The following ST8SIA4 variants were observed in gnomAD, a reference collection of about 807,000 sequenced individuals.
The protein encoded by ST8SIA4 is CMP-N-acetylneuraminate-poly-alpha-2,8-sialyltransferase.
ST8SIA4 carries 15 observed loss-of-function variants against 33.9 expected under a neutral mutation model. The ratio of observed to expected loss-of-function variants is 0.44; its 90% CI spans 0.30 to 0.68. The LOEUF (loss-of-function observed/expected upper bound fraction) is 0.68, where lower values mean the gene tolerates loss of function less well. ST8SIA4 is among the 30% of genes least tolerant of loss of function. The pLI, the probability that ST8SIA4 is intolerant of heterozygous loss-of-function variation, is 0.10. For synonymous variants in ST8SIA4, 171 were observed against 151.2 expected (o/e 1.13, Z -0.96); for missense variants, 321 against 428.0 (o/e 0.75, Z 2.21).
chr5:100,882,285 A>G (rs1473608266), intron 3 of ST8SIA4, among the ~76,000 whole-genome samples: 1 of 152,218 alleles, frequency 6.6e-6, no homozygotes, highest in Non-Finnish European at 1.5e-5. Flanking sequence ...TAGCAAAAAG[A>G]CTAGTGGCAT....
chr5:100,896,286 T>A (rs1303765651), intron 1 of ST8SIA4, among the ~76,000 whole-genome samples: 4 of 152,072 alleles, frequency 2.6e-5, no homozygotes, highest in Non-Finnish European at 5.9e-5. Context: ...AGCAAAATCC[T>A]GCCATTTGTG....
In ST8SIA4 at chr5:100,853,173, A is replaced by G. The variant is rs193142201; in HGVS notation, c.797+2930T>C. Among the ~76,000 whole-genome samples, 434 of 152,296 alleles carry G rather than the reference A, an allele frequency of 2.8e-3. 2 individuals are homozygous for G. Among genetic ancestry groups the G allele is most frequent in the African/African-American group, 0.01 (419 of 41,556 alleles). On this transcript the variant is annotated intron_variant, in intron 4 of 4. Coordinates refer to ENST00000231461, the MANE Select transcript of ST8SIA4 (RefSeq NM_005668.6). ...GAGTTTGCCTTTGCTTTCATATCAC[A>G]AAAATCATTTTTGTTTCATCAGCGC...
At chr5:100,853,393 T>C (rs1299023370) in intron 4 of ST8SIA4, among the ~76,000 whole-genome samples, 1 of 152,228 alleles carries the variant, frequency 6.6e-6, no homozygotes, top group Non-Finnish European at 1.5e-5. Flanking sequence ...TTCATTATTC[T>C]TGGCCACAGT....
intron 3 of ST8SIA4, among the ~76,000 whole-genome samples, chr5:100,860,310 T>G (rs1474514157): frequency 6.6e-6 from 1 of 152,164 alleles, no homozygotes; most frequent in Admixed American, 6.6e-5. Context: ...AGCCAAAACA[T>G]TATTACCTAC....
At chr5:100,821,828 T>C (rs1454366256) in intron 4 of ST8SIA4, among the ~76,000 whole-genome samples, 1 of 152,156 alleles carries the variant, frequency 6.6e-6, no homozygotes, top group Non-Finnish European at 1.5e-5. Flanking sequence ...TATAAATCTT[T>C]ATTCTCTATT....
intron 4 of ST8SIA4, among the ~76,000 whole-genome samples, chr5:100,854,559 G>C (rs947009383): frequency 3.3e-5 from 5 of 151,918 alleles, no homozygotes; most frequent in Non-Finnish European, 7.4e-5. Flanking sequence ...CTCCGGCCTG[G>C]GCAACAGAGT....
chr5:100,879,136 A>C (rs780785092), intron 3 of ST8SIA4, among the ~76,000 whole-genome samples: 1 of 152,206 alleles, frequency 6.6e-6, no homozygotes, highest in Non-Finnish European at 1.5e-5. Context: ...TTACCTTTCT[A>C]TACTTCTTGG....
intron 3 of ST8SIA4, among the ~76,000 whole-genome samples, chr5:100,880,434 C>A: frequency 6.6e-6 from 1 of 152,078 alleles, no homozygotes; most frequent in East Asian, 1.9e-4. Context: ...TCCTTTCCCC[C>A]AAATAAGGGG....
At chr5:100,900,053 T>C (rs1322004530) in intron 1 of ST8SIA4, among the ~76,000 whole-genome samples, 1 of 152,258 alleles carries the variant, frequency 6.6e-6, no homozygotes, top group African/African-American at 2.4e-5. Flanking sequence ...GCTGGTTTTC[T>C]ATTTTTCCAT....
chr5:100,881,016 A>C (rs1403995580), intron 3 of ST8SIA4, among the ~76,000 whole-genome samples: 2 of 152,218 alleles, frequency 1.3e-5, no homozygotes, highest in African/African-American at 4.8e-5. Flanking sequence ...TCAACTCCCC[A>C]TATATGTGCT....
intron 4 of ST8SIA4, among the ~76,000 whole-genome samples, chr5:100,817,008 T>C (rs1199736491): frequency 6.6e-6 from 1 of 150,602 alleles, no homozygotes; most frequent in South Asian, 2.1e-4. Flanking sequence ...AATGGCGCAA[T>C]CTTGGCTCAC....
At chr5:100,872,418 T>C (rs1348886268) in intron 3 of ST8SIA4, among the ~76,000 whole-genome samples, 1 of 152,134 alleles carries the variant, frequency 6.6e-6, no homozygotes, top group East Asian at 1.9e-4. Flanking sequence ...TATTGTGTCA[T>C]AGACACCAGA....
At chr5:100,859,469 A>G (rs559588450) in intron 3 of ST8SIA4, among the ~76,000 whole-genome samples, 1 of 152,094 alleles carries the variant, frequency 6.6e-6, no homozygotes, top group Non-Finnish European at 1.5e-5. Flanking sequence ...TTTATATTTG[A>G]CATGTTGAAA....
At chr5:100,812,893 A>G (rs1027088691) in intron 4 of ST8SIA4, among the ~76,000 whole-genome samples, 1 of 152,156 alleles carries the variant, frequency 6.6e-6, no homozygotes, top group African/African-American at 2.4e-5. Flanking sequence ...GAGACTTCCA[A>G]TATTTCTTGG....
chr5:100,812,159 A>G, intron 4 of ST8SIA4, 30 bp from the exon 5 acceptor site: 1 of 1,589,980 alleles, frequency 6.3e-7, no homozygotes, highest in Non-Finnish European at 8.5e-7. Context: ...AATCAAGAAG[A>G]GAAGAATTTA....
chr5:100,838,434 TA>T (rs1261046573), intron 4 of ST8SIA4, among the ~76,000 whole-genome samples: 5 of 151,978 alleles, frequency 3.3e-5, no homozygotes, highest in Non-Finnish European at 7.4e-5. Context: ...TTCTATAAGA[TA>T]AATGAAAGAA....
At chr5:100,861,451 A>G (rs1751939334) in intron 3 of ST8SIA4, among the ~76,000 whole-genome samples, 1 of 152,138 alleles carries the variant, frequency 6.6e-6, no homozygotes, top group Non-Finnish European at 1.5e-5. Flanking sequence ...AATATGTTAG[A>G]CTGTGTCATT....
At chr5:100,816,998 A>G (rs1750936294) in intron 4 of ST8SIA4, among the ~76,000 whole-genome samples, 1 of 150,196 alleles carries the variant, frequency 6.7e-6, no homozygotes, top group Non-Finnish European at 1.5e-5. Flanking sequence ...GCTGGAGTGC[A>G]ATGGCGCAAT....
At chr5:100,824,604 A>G (rs1561385650) in intron 4 of ST8SIA4, among the ~76,000 whole-genome samples, 1 of 152,264 alleles carries the variant, frequency 6.6e-6, no homozygotes, top group East Asian at 1.9e-4. Context: ...AAACTCAGGA[A>G]CTAAGGAACT....
Sources: allele counts gnomAD v4.1 joint callset (sites outside exome capture counted in the v4.1 genomes callset), GRCh38; gene constraint gnomAD v4.1.1; transcripts MANE v1.5; gene names NCBI Gene and HGNC (gene_info 2026-07-23, HGNC 2026-07-21).